The following NEO1 variants were observed in gnomAD, a reference collection of about 807,000 sequenced individuals.
NEO1 encodes neogenin 1.
NEO1 carries 63 observed loss-of-function variants against 159.7 expected under a neutral mutation model. The ratio of observed to expected loss-of-function variants is 0.39; its 90% confidence interval spans 0.32 to 0.49. NEO1 has a LOEUF of 0.49. Ranked by LOEUF, NEO1 falls within the 20% of genes least tolerant of loss-of-function variation. The pLI, the probability that NEO1 is intolerant of heterozygous loss-of-function variation, is 0.85. For synonymous variants in NEO1, 633 were observed against 662.0 expected (o/e 0.96, Z 0.67); for missense variants, 1,615 against 1,831.0 (o/e 0.88, Z 2.15).
At chr15:73,270,695 C>T (rs941967070) in intron 18 of NEO1, among the ~76,000 whole-genome samples, 6 of 152,170 alleles carry the variant, frequency 3.9e-5, no homozygotes, top group African/African-American at 1.4e-4. Flanking sequence ...GGGATTATTG[C>T]CATTAATCCT....
intron 22 of NEO1, among the ~76,000 whole-genome samples, chr15:73,280,606 CTAATATG>C (rs1425630441): frequency 1.3e-5 from 2 of 152,150 alleles, no homozygotes; most frequent in African/African-American, 4.8e-5. Context: ...AAGCCCTACT[CTAATATG>C]AACAGTATGG....
intron 7 of NEO1, among the ~76,000 whole-genome samples, chr15:73,230,707 C>T (rs1035989836): frequency 2.0e-5 from 3 of 152,128 alleles, no homozygotes; most frequent in Non-Finnish European, 4.4e-5. Flanking sequence ...CCTCCTGCCT[C>T]AGCTTCTCAA....
At chr15:73,282,630 T>C (rs1166860528) in intron 22 of NEO1, among the ~76,000 whole-genome samples, 1 of 152,244 alleles carries the variant, frequency 6.6e-6, no homozygotes, top group Non-Finnish European at 1.5e-5. Flanking sequence ...AGTTTATATA[T>C]CACATGAGAC....
chr15:73,177,696 C>G lies in NEO1; in HGVS notation c.1171-611C>G, dbSNP rs552960313. Among the ~76,000 whole-genome samples the G allele has an allele frequency of 5.9e-5, 9 of 152,214 alleles. No individual in the cohort carries two copies. The East Asian group carries it at 1.7e-3, about 29-fold the overall frequency. Reference sequence around the variant, plus strand: ...AGCTGGAACTACAGGCACGCACTACCATGACCAGCCAATTTTGTATTTTTT... The same window carrying G: ...AGCTGGAACTACAGGCACGCACTACGATGACCAGCCAATTTTGTATTTTTT... On this transcript the variant is annotated intron_variant, in intron 6 of 28. Transcript: ENST00000261908.
chr15:73,224,013 A>G (rs545217876), intron 7 of NEO1, among the ~76,000 whole-genome samples: 6 of 152,290 alleles, frequency 3.9e-5, no homozygotes, highest in Non-Finnish European at 5.9e-5. Flanking sequence ...GAGTTCTTTC[A>G]GCATTTGCTT....
At chr15:73,173,092 T>C (rs2035066714) in intron 5 of NEO1, among the ~76,000 whole-genome samples, 1 of 152,202 alleles carries the variant, frequency 6.6e-6, no homozygotes, top group Non-Finnish European at 1.5e-5. Context: ...TAAGCTTAAG[T>C]AACCTTGTTC....
intron 9 of NEO1, 136 bp from the exon 10 acceptor site, chr15:73,248,924 C>T: frequency 1.2e-6 from 1 of 803,510 alleles, no homozygotes; most frequent in Non-Finnish European, 1.9e-6. Flanking sequence ...ATTCTAAAAC[C>T]ACTTCAATCA....
At chr15:73,091,298 A>G (rs535976111) in intron 1 of NEO1, among the ~76,000 whole-genome samples, 1 of 152,302 alleles carries the variant, frequency 6.6e-6, no homozygotes, top group South Asian at 2.1e-4. Flanking sequence ...ATATGCAGTT[A>G]TGGTCTAGTA....
intron 1 of NEO1, among the ~76,000 whole-genome samples, chr15:73,108,060 G>T (rs909711316): frequency 6.6e-6 from 1 of 152,162 alleles, no homozygotes; most frequent in Non-Finnish European, 1.5e-5. Flanking sequence ...AAGCTTTCAT[G>T]AACGTTCTGT....
chr15:73,067,856 T>TCCGC (rs1394871664), intron 1 of NEO1, among the ~76,000 whole-genome samples: 3 of 152,120 alleles, frequency 2.0e-5, no homozygotes, highest in African/African-American at 7.2e-5. Flanking sequence ...GACCTCGTGA[T>TCCGC]CCACCTGTTT....
At chr15:73,218,603 C>G (rs1308462474) in intron 7 of NEO1, among the ~76,000 whole-genome samples, 1 of 151,582 alleles carries the variant, frequency 6.6e-6, no homozygotes, top group Non-Finnish European at 1.5e-5. Flanking sequence ...ACAATTTCAG[C>G]TCCTGTTATT....
At chr15:73,086,015 C>T (rs1356647286) in intron 1 of NEO1, among the ~76,000 whole-genome samples, 2 of 152,108 alleles carry the variant, frequency 1.3e-5, no homozygotes, top group African/African-American at 4.8e-5. Flanking sequence ...AACTCTGTGT[C>T]TAAGCCAGGT....
At chr15:73,273,592 C>T (rs1316712974) in intron 19 of NEO1, among the ~76,000 whole-genome samples, 1 of 152,100 alleles carries the variant, frequency 6.6e-6, no homozygotes, top group African/African-American at 2.4e-5. Flanking sequence ...TGGCTCTGCC[C>T]AGGAGTTCCT....
At chr15:73,241,750 C>T (rs182628490) in intron 8 of NEO1, among the ~76,000 whole-genome samples, 1 of 152,272 alleles carries the variant, frequency 6.6e-6, no homozygotes. Context: ...TGAATCTTAT[C>T]CCAAAACCAA....
intron 5 of NEO1, among the ~76,000 whole-genome samples, chr15:73,141,237 C>T (rs1433502600): frequency 6.6e-6 from 1 of 152,070 alleles, no homozygotes; most frequent in Non-Finnish European, 1.5e-5. Flanking sequence ...TACAGTCATA[C>T]CTGTCTGACT....
At position 73,103,078 on chromosome 15, in the gene NEO1, A is replaced by AT. The variant is rs1051818818; in HGVS notation, c.131-13453dup. ...ACTCTAAAAATTCATCATGTCTGCC[A>AT]TTTTTTTTTCTGTCACTATTGCTGC... is the stretch of plus-strand genomic sequence containing the variant. On this transcript the variant is annotated intron_variant, in intron 1 of 28. Transcript: ENST00000261908. Among the ~76,000 whole-genome samples the AT allele has an allele frequency of 5.3e-3, 792 of 150,568 alleles. 10 individuals carry two copies. Among genetic ancestry groups the AT allele is most frequent in the African/African-American group, 0.018 (745 of 40,984 alleles).
intron 5 of NEO1, among the ~76,000 whole-genome samples, chr15:73,138,309 A>C (rs1246982964): frequency 6.6e-6 from 1 of 152,226 alleles, no homozygotes; most frequent in Non-Finnish European, 1.5e-5. Context: ...TGTTGAATAC[A>C]CACAATTTAT....
chr15:73,215,314 T>C (rs1277325639), intron 7 of NEO1, among the ~76,000 whole-genome samples: 1 of 151,732 alleles, frequency 6.6e-6, no homozygotes, highest in Non-Finnish European at 1.5e-5. Context: ...TCCAGTACTG[T>C]GTTGAAAAGA....
chr15:73,195,612 A>G (rs1329070094), intron 7 of NEO1, among the ~76,000 whole-genome samples: 1 of 152,210 alleles, frequency 6.6e-6, no homozygotes, highest in Non-Finnish European at 1.5e-5. Flanking sequence ...TTTTAGCTGT[A>G]TGAGTATTTC....
Sources: gnomAD v4.1 joint callset for allele counts (sites outside exome capture counted in the v4.1 genomes callset) on GRCh38, gnomAD v4.1.1 for gene constraint, MANE v1.5 for transcripts, NCBI Gene and HGNC (gene_info 2026-07-23, HGNC 2026-07-21) for gene names.